The following AGBL4 variants were observed in gnomAD, a reference collection of about 807,000 sequenced individuals.
The protein encoded by AGBL4 is AGBL carboxypeptidase 4.
Under a neutral mutation model 66.4 loss-of-function variants are expected in AGBL4, and 58 were observed. The ratio of observed to expected loss-of-function variants is 0.87; its 90% confidence interval spans 0.71 to 1.09. AGBL4 has a LOEUF of 1.09. Among genes scored for constraint, AGBL4 ranks in the 50% least tolerant of loss-of-function variants. The pLI, the probability that AGBL4 is intolerant of heterozygous loss-of-function variation, is 0.00. For missense variants in AGBL4, 579 were observed against 631.0 expected, an observed-to-expected ratio of 0.92 and a Z score of 0.88; for synonymous variants, 234 against 222.9, an observed-to-expected ratio of 1.05 and a Z score of -0.44.
chr1:49,427,154 A>G (rs1035028543), intron 3 of AGBL4, among the ~76,000 whole-genome samples: 3 of 152,120 alleles, frequency 2.0e-5, no homozygotes, highest in South Asian at 2.1e-4. Context: ...TTGAGCACCA[A>G]TAGTACTTGG....
chr1:49,017,679 C>T (rs909043139), intron 5 of AGBL4, among the ~76,000 whole-genome samples: 3 of 152,110 alleles, frequency 2.0e-5, no homozygotes, highest in Non-Finnish European at 4.4e-5. Flanking sequence ...GTCTAGATTG[C>T]TCACAATAAC....
intron 4 of AGBL4, chr1:49,175,101 T>C (rs1331841339): frequency 1.3e-5 from 2 of 152,106 alleles, no homozygotes; most frequent in Non-Finnish European, 2.9e-5. Context: ...GAAAAAAAAT[T>C]ATTCTAATGT....
intron 4 of AGBL4, among the ~76,000 whole-genome samples, chr1:49,057,543 T>C (rs1644329334): frequency 6.6e-6 from 1 of 152,240 alleles, no homozygotes; most frequent in African/African-American, 2.4e-5. Flanking sequence ...CTTCCTCAGA[T>C]GCACCCACTT....
intron 1 of AGBL4, among the ~76,000 whole-genome samples, chr1:49,857,127 C>T (rs1646455378): frequency 6.6e-6 from 1 of 151,866 alleles, no homozygotes; most frequent in Non-Finnish European, 1.5e-5. Flanking sequence ...ATCCCACTTA[C>T]AATAGCTACA....
At chr1:48,545,485 C>A (rs534751512) in intron 11 of AGBL4, among the ~76,000 whole-genome samples, 1 of 152,274 alleles carries the variant, frequency 6.6e-6, no homozygotes, top group South Asian at 2.1e-4. Flanking sequence ...ATTTAAAATT[C>A]AGGCAAGGAG....
chr1:49,251,472 A>C (rs1179012290), intron 3 of AGBL4, among the ~76,000 whole-genome samples: 2 of 152,060 alleles, frequency 1.3e-5, no homozygotes, highest in African/African-American at 4.8e-5. Context: ...AGCACAGTGG[A>C]TCCTCTCACA....
rs527514032 is a variant in AGBL4 at position 49,027,883 on chromosome 1, G to T, written c.594+17701C>A. On this transcript the variant is annotated intron_variant, in intron 5 of 13. Transcript: ENST00000371839. ...GATGGGCAAGACAAGAAGACCAGGG[G>T]CTACTGTCCCTACCCAGAGCCTAGC... 7.2e-5 allele frequency among the ~76,000 whole-genome samples: 11 copies of T among 152,264 alleles called. No individual in the cohort carries two copies. The East Asian group carries it at 2.1e-3, about 30-fold the overall frequency.
chr1:49,773,334 T>C lies in AGBL4; in HGVS notation c.158-75897A>G, dbSNP rs539814649. Among the ~76,000 whole-genome samples the C allele has an allele frequency of 2.0e-5, 3 of 152,336 alleles. No homozygotes were observed. The South Asian group carries it at 6.2e-4, about 32-fold the overall frequency. On this transcript the variant is annotated intron_variant, in intron 2 of 13. Coordinates refer to ENST00000371839, the MANE Select transcript of AGBL4 (RefSeq NM_032785.4). ...TGTTACTGGAAACTTATTGTATTCC[T>C]TTGGGAATGTCATGTTTCCTTGCTT... is the stretch of plus-strand genomic sequence containing the variant.
At chr1:49,139,498 C>T (rs1488252773) in intron 4 of AGBL4, among the ~76,000 whole-genome samples, 1 of 152,134 alleles carries the variant, frequency 6.6e-6, no homozygotes, top group Non-Finnish European at 1.5e-5. Flanking sequence ...ATTCAAACCC[C>T]AGGCTGCTCA....
At chr1:48,897,222 A>G (rs1046103670) in intron 5 of AGBL4, among the ~76,000 whole-genome samples, 2 of 152,108 alleles carry the variant, frequency 1.3e-5, no homozygotes, top group Non-Finnish European at 2.9e-5. Flanking sequence ...CCCATGTATG[A>G]CCGACAACAT....
At chr1:48,768,717 A>G (rs954405118) in intron 6 of AGBL4, among the ~76,000 whole-genome samples, 12 of 152,240 alleles carry the variant, frequency 7.9e-5, no homozygotes, top group African/African-American at 2.9e-4. Flanking sequence ...TGAGTTTGTT[A>G]GCCAGGATGA....
At chr1:49,568,023 A>G (rs967047625) in intron 3 of AGBL4, among the ~76,000 whole-genome samples, 5 of 152,228 alleles carry the variant, frequency 3.3e-5, no homozygotes, top group Non-Finnish European at 7.3e-5. Flanking sequence ...TCAATTGGCA[A>G]AAGCTGGACG....
chr1:49,635,330 A>G (rs1372833562), intron 3 of AGBL4, among the ~76,000 whole-genome samples: 1 of 152,222 alleles, frequency 6.6e-6, no homozygotes, highest in Non-Finnish European at 1.5e-5. Flanking sequence ...ATGAGCTTAG[A>G]GTAAACATAT....
intron 3 of AGBL4, among the ~76,000 whole-genome samples, chr1:49,606,689 A>G (rs536158429): frequency 6.6e-6 from 1 of 152,242 alleles, no homozygotes; most frequent in East Asian, 1.9e-4. Context: ...CCCATTTTAT[A>G]CATCAGGAAA....
intron 3 of AGBL4, among the ~76,000 whole-genome samples, chr1:49,592,868 C>T (rs959197934): frequency 6.6e-6 from 1 of 152,070 alleles, no homozygotes; most frequent in African/African-American, 2.4e-5. Flanking sequence ...ACCCTTTGAC[C>T]CCGCAATTCC....
chr1:49,598,441 C>T (rs944995620), intron 3 of AGBL4, among the ~76,000 whole-genome samples: 2 of 152,174 alleles, frequency 1.3e-5, no homozygotes, highest in Non-Finnish European at 2.9e-5. Flanking sequence ...ACAGACAGGA[C>T]CTTCAGCTGC....
chr1:49,753,807 T>C (rs1651665470), intron 2 of AGBL4, among the ~76,000 whole-genome samples: 1 of 152,204 alleles, frequency 6.6e-6, no homozygotes, highest in African/African-American at 2.4e-5. Context: ...TCACGCTTTA[T>C]TTCATTAAGT....
intron 6 of AGBL4, among the ~76,000 whole-genome samples, chr1:48,811,690 C>T (rs776769965): frequency 2.3e-5 from 1 of 44,382 alleles, no homozygotes; most frequent in Non-Finnish European, 6.7e-5. Context: ...CTTCTTGATT[C>T]TACTCTGTCT....
intron 3 of AGBL4, among the ~76,000 whole-genome samples, chr1:49,621,137 G>C (rs1645352576): frequency 6.6e-6 from 1 of 152,110 alleles, no homozygotes; most frequent in South Asian, 2.1e-4. Context: ...AGAAATGCTT[G>C]TTCCTTTGTG....
Sources: gnomAD v4.1 joint callset for allele counts (sites outside exome capture counted in the v4.1 genomes callset) on GRCh38, gnomAD v4.1.1 for gene constraint, MANE v1.5 for transcripts, NCBI Gene and HGNC (gene_info 2026-07-23, HGNC 2026-07-21) for gene names.